The following WRNIP1 variants were observed in gnomAD, a reference collection of about 807,000 sequenced individuals.
WRNIP1 encodes the protein ATPase WRNIP1.
WRNIP1 carries 41 observed loss-of-function variants against 56.1 expected under a neutral mutation model. The observed-to-expected ratio is 0.73, with a 90% CI of 0.57 to 0.95. The LOEUF is 0.95. Among genes scored for constraint, WRNIP1 ranks in the 40% least tolerant of loss-of-function variants. The probability of loss-of-function intolerance (pLI) is 0.00; values close to 1 mark genes in which losing one functional copy is unlikely to be tolerated. For synonymous variants in WRNIP1, 547 were observed against 398.1 expected (o/e 1.37, Z -4.45); for missense variants, 1,170 against 939.4 (o/e 1.25, Z -3.21).
At chr6:2,773,727 G>T in intron 3 of WRNIP1, 1 of 983,022 alleles carries the variant, frequency 1.0e-6, no homozygotes, top group Non-Finnish European at 1.2e-6. Flanking sequence ...AAGGAATATA[G>T]ATTCCTAGGT....
At chr6:2,781,021 C>T (rs770505824) in intron 4 of WRNIP1, among the ~76,000 whole-genome samples, 21 of 152,190 alleles carry the variant, frequency 1.4e-4, no homozygotes, top group African/African-American at 2.4e-4. Context: ...GAAACTGACC[C>T]GTAAATCCAG....
chr6:2,772,880 C>T, intron 3 of WRNIP1: 2 of 795,224 alleles, frequency 2.5e-6, no homozygotes, highest in Non-Finnish European at 3.0e-6. Flanking sequence ...GATTTGGTGA[C>T]ACTAATCTAG....
At position 2,783,653 on chromosome 6, in the gene WRNIP1, T is replaced by TTTTTTTTTTTGGGG; in HGVS notation, c.1642+92_1642+93insTTTTTTTTTTGGGG. On this transcript the variant is annotated intron_variant, in intron 5 of 6. Transcript: ENST00000380773. The stretch of plus-strand genomic sequence containing the variant: ...TCGTGGCTTTTTTTTTTTTTTTTTT[T>TTTTTTTTTTTGGGG]GCAGGGCGGGGTGGGCGGGGGTAGC... The TTTTTTTTTTTGGGG allele has an allele frequency of 2.5e-5, 3 of 120,100 alleles. 1 individual carries two copies. The highest frequency in any genetic ancestry group is 2.9e-4 in the Admixed American group (1 of 3,498). 7.4% of individuals were successfully genotyped at this position (120,100 alleles called of 1,614,324 possible). A position where few individuals can be genotyped will look rare whatever the true frequency, so the allele number is the denominator to read the frequency against.
chr6:2,784,229 T>G (rs546999592), intron 5 of WRNIP1, 95 bp from the exon 6 acceptor site: 6 of 1,151,126 alleles, frequency 5.2e-6, no homozygotes, highest in Non-Finnish European at 7.5e-6. Context: ...GGTCACCAAG[T>G]GTACAAGCAG....
rs780514593 is a variant in WRNIP1 at position 2,768,838 on chromosome 6, A to G, written c.970A>G (p.Ile324Val). Reference sequence around the variant, plus strand: ...AAAGAGCTTTTTCAAAAGGAAAACCATCCTTTTTATTGATGAGATTCATCG... The same window carrying G: ...AAAGAGCTTTTTCAAAAGGAAAACCGTCCTTTTTATTGATGAGATTCATCG... ...NEKSFFKRKT[I>V]LFIDEIHRFN... The change falls in exon 2 of 7, where the codon ATC becomes GTC. Residue 324 changes from isoleucine (I) to valine (V), a missense_variant. Transcript: ENST00000380773. The G allele has an allele frequency of 5.0e-6, 8 of 1,613,532 alleles. No individual in the cohort carries two copies. Among genetic ancestry groups the G allele is most frequent in the Non-Finnish European group, 5.9e-6 (7 of 1,179,790 alleles).
At position 2,765,547 on chromosome 6, in the gene WRNIP1, C is replaced by T. The variant is rs1393676681; in HGVS notation, c.-76C>T. ...GAGGGTCTCGCGGCGCGGGGCCTAG[C>T]GGAGGGCATCGAAGGCCTCCGCGTG... On this transcript the variant is annotated 5_prime_UTR_variant, in exon 1 of 7. Transcript: ENST00000380773. The T allele has an allele frequency of 1.4e-5, 19 of 1,357,678 alleles. No homozygotes were observed. Among genetic ancestry groups the T allele is most frequent in the East Asian group, 6.5e-5 (2 of 30,880 alleles). 84.1% of individuals were successfully genotyped at this position (1,357,678 alleles called of 1,614,324 possible).
chr6:2,766,801 A>G (rs955538827), intron 1 of WRNIP1, among the ~76,000 whole-genome samples: 1 of 151,990 alleles, frequency 6.6e-6, no homozygotes, highest in Non-Finnish European at 1.5e-5. Flanking sequence ...TTCGCAAGGA[A>G]TCAGCATGTT....
intron 3 of WRNIP1, among the ~76,000 whole-genome samples, chr6:2,771,722 C>G (rs1434980364): frequency 1.3e-5 from 2 of 152,170 alleles, no homozygotes; most frequent in East Asian, 1.9e-4. Context: ...ATAGGAAATT[C>G]AGACCACTTC....
intron 4 of WRNIP1, among the ~76,000 whole-genome samples, chr6:2,783,196 C>T (rs940041532): frequency 6.6e-6 from 1 of 152,240 alleles, no homozygotes; most frequent in Non-Finnish European, 1.5e-5. Context: ...TCTGCTGCAG[C>T]AGCCTCTTCC....
chr6:2,784,136 A>G (rs1006834609), intron 5 of WRNIP1, among the ~76,000 whole-genome samples, 188 bp from the exon 6 acceptor site: 2 of 152,198 alleles, frequency 1.3e-5, no homozygotes, highest in African/African-American at 4.8e-5. Context: ...CCACACAGTA[A>G]CCACTCTCAA....
chr6:2,785,106 C>A lies in WRNIP1; in HGVS notation c.1822C>A (p.Gln608Lys). The A allele has an allele frequency of 6.2e-7, 1 of 1,614,192 alleles. No homozygotes were observed. ...NNVKACLRNH[Q>K]GPLPPVPLHL... is the part of the protein sequence containing the mutation. ...CGTCAAAGCCTGCCTGAGGAACCAC[C>A]AGGGGCCACTGCCCCCCGTGCCCCT... Residue 608 changes from glutamine (Q) to lysine (K), a missense_variant, in exon 7 of 7, where the codon CAG (glutamine) becomes AAG (lysine). Gln to Lys is a moderately conservative substitution (Grantham distance 53, BLOSUM62 1). Transcript: ENST00000380773.
chr6:2,768,452 G>A (rs1347263609), intron 1 of WRNIP1, among the ~76,000 whole-genome samples: 1 of 152,208 alleles, frequency 6.6e-6, no homozygotes, highest in Admixed American at 6.5e-5. Flanking sequence ...TAGGGACAGA[G>A]GAGAAAAGGT....
At chr6:2,773,892 CAG>C (rs1765371487) in intron 3 of WRNIP1, 1 of 985,264 alleles carries the variant, frequency 1.0e-6, no homozygotes, top group Middle Eastern at 5.2e-4. Flanking sequence ...GGTTGGAAGA[CAG>C]AAAGTGGCGT....
At chr6:2,767,059 C>T (rs561565985) in intron 1 of WRNIP1, among the ~76,000 whole-genome samples, 2 of 152,280 alleles carry the variant, frequency 1.3e-5, no homozygotes, top group African/African-American at 4.8e-5. Flanking sequence ...AAGTCATTTT[C>T]ATCCGGTATT....
chr6:2,771,417 A>T (rs758542623), intron 3 of WRNIP1, among the ~76,000 whole-genome samples: 1 of 152,160 alleles, frequency 6.6e-6, no homozygotes, highest in Non-Finnish European at 1.5e-5. Flanking sequence ...GGGGATAGCC[A>T]TTACATCTGT....
chr6:2,783,490 G>T lies in WRNIP1; in HGVS notation c.1571G>T (p.Arg524Leu). ...DQNASLYWLA[R>L]MLEGGEDPLY... is the part of the protein sequence containing the mutation. ...AACGCCTCCCTCTACTGGCTGGCTCGCATGCTCGAGGGAGGAGAGGACCCA... is the reference window on the plus strand; with the variant it reads ...AACGCCTCCCTCTACTGGCTGGCTCTCATGCTCGAGGGAGGAGAGGACCCA... Residue 524 changes from arginine to leucine, a missense_variant, in exon 5 of 7, where the codon CGC becomes CTC. Physicochemically the swap from Arg to Leu is moderately radical, Grantham distance 102 (BLOSUM62 -2). Coordinates refer to ENST00000380773, the MANE Select transcript of WRNIP1 (RefSeq NM_020135.3). The T allele has an allele frequency of 6.2e-7, 1 of 1,613,794 alleles. No homozygotes were observed. Among genetic ancestry groups the T allele is most frequent in the African/African-American group, 1.3e-5 (1 of 74,996 alleles).
chr6:2,773,629 A>G (rs779258206), intron 3 of WRNIP1: 26 of 985,308 alleles, frequency 2.6e-5, no homozygotes, highest in Admixed American at 6.2e-5. Flanking sequence ...AAAAATGTCC[A>G]TGATTCATGA....
intron 6 of WRNIP1, 24 bp from the exon 7 acceptor site, chr6:2,784,983 A>G (rs768067338): frequency 6.2e-7 from 1 of 1,611,500 alleles, no homozygotes; most frequent in East Asian, 2.2e-5. Flanking sequence ...TGCTAGTAAA[A>G]TGTGTCCTCT....
intron 3 of WRNIP1, among the ~76,000 whole-genome samples, chr6:2,772,107 G>A (rs1429963142): frequency 2.6e-5 from 4 of 152,194 alleles, no homozygotes; most frequent in Non-Finnish European, 5.9e-5. Context: ...AAGGAAATGA[G>A]AAAGGCGGCA....
Sources: gnomAD v4.1 joint callset for allele counts (sites outside exome capture counted in the v4.1 genomes callset) on GRCh38, gnomAD v4.1.1 for gene constraint, MANE v1.5 for transcripts, NCBI Gene and HGNC (gene_info 2026-07-23, HGNC 2026-07-21) for gene names.